The following TRPM5 variants were observed in gnomAD, a reference collection of about 807,000 sequenced individuals.
TRPM5 encodes MLSN1 and TRP-related.
Under a neutral mutation model 124.9 loss-of-function variants are expected in TRPM5, and 121 were observed. The ratio of observed to expected loss-of-function variants is 0.97; its 90% CI spans 0.84 to 1.13. The LOEUF is 1.13. TRPM5 is among the 50% of genes most tolerant of loss of function. The probability of loss-of-function intolerance (pLI) is 0.00; values close to 1 mark genes in which losing one functional copy is unlikely to be tolerated. For missense variants in TRPM5, 1,643 were observed against 1,589.1 expected (o/e 1.03, Z -0.58); for synonymous variants, 781 against 700.5 (o/e 1.11, Z -1.81).
exon 7 of TRPM5, chr11:2,417,773 C>T (rs1466982470): frequency 1.2e-6 from 2 of 1,602,402 alleles, no homozygotes; most frequent in Non-Finnish European, 1.7e-6. Context: ...CCTCGGAGCC[C>T]TCCTGCTCGA....
the TRPM5 span, among the ~76,000 whole-genome samples, chr11:2,430,699 C>A: frequency 1.1e-5 from 1 of 87,996 alleles, no homozygotes; most frequent in Non-Finnish European, 2.4e-5. Flanking sequence ...GTGATGGAGG[C>A]GGTGTTGGTG....
At chr11:2,420,538 T>C in intron 3 of TRPM5, 133 bp from the exon 9 acceptor site, 2 of 906,672 alleles carry the variant, frequency 2.2e-6, no homozygotes, top group Non-Finnish European at 1.6e-6. Context: ...CGAGCCTTGG[T>C]TTCCCCACCC....
At chr11:2,433,126 T>C in the TRPM5 span, among the ~76,000 whole-genome samples, 1 of 152,238 alleles carries the variant, frequency 6.6e-6, no homozygotes, top group Non-Finnish European at 1.5e-5. Flanking sequence ...TTGCCTGTCC[T>C]TCTACTCTGG....
At chr11:2,433,783 T>G in the TRPM5 span, among the ~76,000 whole-genome samples, 14 of 152,350 alleles carry the variant, frequency 9.2e-5, no homozygotes, top group Non-Finnish European at 4.4e-5. Context: ...TGTGTGTGTG[T>G]GCATGCATAT....
the TRPM5 span, among the ~76,000 whole-genome samples, chr11:2,433,971 C>T: frequency 2.2e-3 from 327 of 151,110 alleles, 2 homozygotes; most frequent in African/African-American, 7.5e-3. Flanking sequence ...TGTAGGTGGA[C>T]TGTATGTGTC....
chr11:2,428,751 G>T, the TRPM5 span, among the ~76,000 whole-genome samples: 1 of 151,786 alleles, frequency 6.6e-6, no homozygotes, highest in Non-Finnish European at 1.5e-5. The surrounding 1 kb of genome is among the most constrained non-coding windows in gnomAD (Gnocchi z 4.0). Flanking sequence ...TATTAGTGCT[G>T]ATAAAGGTGG....
rs367815284 is a variant in TRPM5 at position 2,406,013 on chromosome 11, G to A, written c.3324+6C>T. 138 of 1,610,156 alleles carry A rather than the reference G, an allele frequency of 8.6e-5. No individual in the cohort carries two copies. Among genetic ancestry groups the A allele is most frequent in the Middle Eastern group, 3.3e-4 (2 of 6,058 alleles). On this transcript the variant is annotated splice_donor_region_variant and intron_variant, in intron 22 of 23. Transcript: ENST00000155858. The stretch of plus-strand genomic sequence containing the variant: ...ATCAGGGAGAGGAGCTCTGGGGCTC[G>A]CTTGCCTGTGACTCCAGACACTTGA...
chr11:2,406,709 T>C, exon 21 of TRPM5: 1 of 1,613,512 alleles, frequency 6.2e-7, no homozygotes, highest in South Asian at 1.1e-5. Flanking sequence ...CCTCCTCCGC[T>C]TCTCCATCTT....
exon 1 of TRPM5, chr11:2,422,974 C>A: frequency 6.2e-7 from 1 of 1,613,020 alleles, no homozygotes; most frequent in South Asian, 1.1e-5. Flanking sequence ...TGTGCAAGCC[C>A]AGCTCCCGCC....
upstream of TRPM5, among the ~76,000 whole-genome samples, chr11:2,425,474 G>A (rs1845833173): frequency 6.6e-6 from 1 of 152,202 alleles, no homozygotes; most frequent in Admixed American, 6.5e-5. Context: ...CATCTTCATG[G>A]TGCGCCATCT....
chr11:2,434,239 T>A, the TRPM5 span, among the ~76,000 whole-genome samples: 5 of 151,984 alleles, frequency 3.3e-5, no homozygotes, highest in Non-Finnish European at 7.4e-5. Flanking sequence ...TGAGTGCATG[T>A]GTGTGCGTGG....
chr11:2,415,482 A>G lies in TRPM5; in HGVS notation c.1129-11T>C, dbSNP rs771906077. On this transcript the variant is annotated splice_polypyrimidine_tract_variant and intron_variant, in intron 8 of 23. Transcript: ENST00000155858. Reference sequence around the variant, plus strand: ...CTCCAGGTCACAGGACTTGGCGGCCATGGGCACCCGAGGGAAGGGGGACAA... The same window carrying G: ...CTCCAGGTCACAGGACTTGGCGGCCGTGGGCACCCGAGGGAAGGGGGACAA... The G allele has an allele frequency of 4.6e-6, 7 of 1,535,210 alleles. No homozygotes were observed. Among genetic ancestry groups the G allele is most frequent in the Non-Finnish European group, 6.1e-6 (7 of 1,142,894 alleles).
rs74548513 is a variant in TRPM5 at position 2,408,251 on chromosome 11, A to G, written c.2783-339T>C. 7.9e-5 allele frequency among the ~76,000 whole-genome samples: 12 copies of G among 152,268 alleles called. No homozygotes were observed. The East Asian group carries it at 2.3e-3, about 29-fold the overall frequency. On this transcript the variant is annotated intron_variant, in intron 18 of 23. Coordinates refer to ENST00000155858, the Ensembl canonical transcript of TRPM5. ...ATGGAAGGTGGGGGACAGAGGGGTCACGGGACCCAGGTTTCTCCTGGTTGT... is the reference window on the plus strand; with the variant it reads ...ATGGAAGGTGGGGGACAGAGGGGTCGCGGGACCCAGGTTTCTCCTGGTTGT...
the TRPM5 span, among the ~76,000 whole-genome samples, chr11:2,438,099 A>G: frequency 6.6e-6 from 1 of 152,218 alleles, no homozygotes; most frequent in Non-Finnish European, 1.5e-5. The surrounding 1 kb of genome is among the most constrained non-coding windows in gnomAD (Gnocchi z 5.9). Flanking sequence ...GGTCCTCTCA[A>G]TAGATTCAGA....
chr11:2,412,627 T>C, intron 15 of TRPM5, 127 bp downstream of exon 20: 1 of 1,054,796 alleles, frequency 9.5e-7, no homozygotes, highest in Non-Finnish European at 1.3e-6. Context: ...ACTGGGAAGA[T>C]GGGAGGCCCC....
intron 3 of TRPM5, 101 bp downstream of exon 8, chr11:2,420,931 C>G: frequency 1.5e-6 from 2 of 1,316,238 alleles, no homozygotes; most frequent in Non-Finnish European, 2.0e-6. Context: ...CTTCCTCCAG[C>G]TCGAGTCCTG....
At chr11:2,420,126 C>T in intron 4 of TRPM5, 96 bp downstream of exon 9, 1 of 1,415,280 alleles carries the variant, frequency 7.1e-7, no homozygotes, top group Non-Finnish European at 9.5e-7. Context: ...AAGCCCTCCC[C>T]CTTCTCCCTG....
At chr11:2,417,884 G>A in intron 6 of TRPM5, 55 bp from the exon 12 acceptor site, 1 of 1,488,042 alleles carries the variant, frequency 6.7e-7, no homozygotes, top group Non-Finnish European at 9.2e-7. Context: ...CGGGGGCAGA[G>A]GCAGGCCGTG....
intron 7 of TRPM5, among the ~76,000 whole-genome samples, chr11:2,416,370 A>G (rs915417422): frequency 5.9e-5 from 9 of 152,036 alleles, no homozygotes; most frequent in African/African-American, 2.2e-4. Flanking sequence ...TTGTCGGGGG[A>G]GCAAGCTGGG....
Sources: gnomAD v4.1 joint callset for allele counts (sites outside exome capture counted in the v4.1 genomes callset) on GRCh38, gnomAD v4.1.1 for gene constraint, Gnocchi (gnomAD v3.1) non-coding constraint, MANE v1.5 for transcripts, NCBI Gene and HGNC (gene_info 2026-07-23, HGNC 2026-07-21) for gene names.